Variants in XIRP2 observed in about 807,000 individuals in gnomAD.
The protein encoded by XIRP2 is xin actin binding repeat containing 2.
XIRP2 carries 236 observed loss-of-function variants against 277.0 expected under a neutral mutation model. The ratio of observed to expected loss-of-function variants is 0.85; its 90% CI spans 0.77 to 0.95. The LOEUF is 0.95. XIRP2 is among the 40% of genes least tolerant of loss of function. XIRP2 has a pLI of 0.00. For synonymous variants in XIRP2, 1,490 were observed against 1,416.5 expected (o/e 1.05, Z -1.17); for missense variants, 4,640 against 4,157.5 (o/e 1.12, Z -3.19).
Position 167,247,921 on chromosome 2 carries a change from G to A in XIRP2, c.6529G>A (p.Asp2177Asn), listed in dbSNP as rs113038974. 7.8e-5 allele frequency: 125 copies of A among 1,612,700 alleles called. 1 individual carries two copies. Among genetic ancestry groups the A allele is most frequent in the East Asian group, 4.9e-4 (22 of 44,826 alleles). ...CAGCATGCCAGTTGGAGGAACTTAC[G>A]ACCTTTCAGGGGACTTTCAGAAGCA... Reference protein sequence around the residue: ...PVSMPVGGTYDLSGDFQKQTL... With the variant: ...PVSMPVGGTYNLSGDFQKQTL... Residue 2177 changes from aspartate to asparagine, a missense_variant, in exon 9 of 11, where the codon GAC (aspartate) becomes AAC (asparagine). Transcript: ENST00000409195.
chr2:167,093,756 G>T (rs1277440243), intron 2 of XIRP2, among the ~76,000 whole-genome samples: 1 of 152,084 alleles, frequency 6.6e-6, no homozygotes, highest in East Asian at 1.9e-4. Flanking sequence ...TTGCTATTGT[G>T]AATAGGACCG....
At chr2:167,009,431 A>G (rs1687602008) in intron 2 of XIRP2, among the ~76,000 whole-genome samples, 1 of 151,942 alleles carries the variant, frequency 6.6e-6, no homozygotes, top group Non-Finnish European at 1.5e-5. Context: ...TCCATGGTGT[A>G]TATGTGCCAC....
At chr2:167,028,192 T>G (rs191494357) in intron 2 of XIRP2, among the ~76,000 whole-genome samples, 1 of 152,224 alleles carries the variant, frequency 6.6e-6, no homozygotes, top group Non-Finnish European at 1.5e-5. Context: ...AGGCATTGTA[T>G]TAAGCAGTTT....
At chr2:167,062,297 C>G (rs1574217004) in intron 2 of XIRP2, among the ~76,000 whole-genome samples, 1 of 152,256 alleles carries the variant, frequency 6.6e-6, no homozygotes, top group Middle Eastern at 3.4e-3. Flanking sequence ...TTGCTATACC[C>G]CACTGGACCT....
chr2:167,106,178 T>C (rs192329180), intron 2 of XIRP2, among the ~76,000 whole-genome samples: 3 of 151,828 alleles, frequency 2.0e-5, no homozygotes, highest in Non-Finnish European at 4.4e-5. Context: ...TTAATATTGA[T>C]GGAGTCAAAA....
At chr2:167,120,542 C>A (rs868286297) in intron 2 of XIRP2, among the ~76,000 whole-genome samples, 1 of 152,100 alleles carries the variant, frequency 6.6e-6, no homozygotes, top group Admixed American at 6.6e-5. Flanking sequence ...ATTATCATTA[C>A]CTCCTATCTG....
In XIRP2 at chr2:167,248,749, A is replaced by G. The variant is rs749341463; in HGVS notation, c.7357A>G (p.Met2453Val). Residue 2453 changes from methionine (M) to valine (V), a missense_variant, in exon 9 of 11, where the codon ATG becomes GTG. By Grantham distance (21) the Met-to-Val change is conservative. Coordinates refer to ENST00000409195, the MANE Select transcript of XIRP2 (RefSeq NM_152381.6). ...TGAACTGGCAACCTCCCTGTCAGAT[A>G]TGGAATGTAAAATTACTACCTCAAA... ...KVELATSLSD[M>V]ECKITTSKDQ... 1.9e-6 allele frequency: 3 copies of G among 1,613,774 alleles called. No individual in the cohort carries two copies. The highest frequency in any genetic ancestry group is 1.7e-5 in the Admixed American group (1 of 59,968).
chr2:166,999,270 A>G (rs976244144), intron 2 of XIRP2, among the ~76,000 whole-genome samples: 18 of 152,180 alleles, frequency 1.2e-4, no homozygotes, highest in African/African-American at 4.3e-4. Context: ...AAACTTGAAA[A>G]TATATCTCAA....
intron 3 of XIRP2, among the ~76,000 whole-genome samples, chr2:167,177,912 A>T (rs1329734039): frequency 6.6e-6 from 1 of 152,078 alleles, no homozygotes; most frequent in Non-Finnish European, 1.5e-5. Flanking sequence ...TCTGGAAGCA[A>T]CCTAAACAAC....
intron 2 of XIRP2, among the ~76,000 whole-genome samples, chr2:167,015,374 T>C (rs1012053090): frequency 5.9e-5 from 9 of 151,862 alleles, no homozygotes; most frequent in South Asian, 4.2e-4. Context: ...ATAGTTAATA[T>C]CTACTAAGTA....
rs1326457069 is a variant in XIRP2 at position 167,253,973 on chromosome 2, G to A, written c.10556-59G>A. 29 of 1,509,470 alleles carry A rather than the reference G, an allele frequency of 1.9e-5. 1 individual carries two copies. The East Asian group carries it at 4.4e-4, about 23-fold the overall frequency. 93.5% of individuals were successfully genotyped at this position (1,509,470 alleles called of 1,614,324 possible). ...TTAATATGTGTTTTTGTTTTGTTAT[G>A]TTTTTACAATATGATTGAAGATAAC... On this transcript the variant is annotated intron_variant, in intron 9 of 10. Transcript: ENST00000409195.
intron 2 of XIRP2, among the ~76,000 whole-genome samples, chr2:166,915,151 A>G (rs1358933158): frequency 6.6e-6 from 1 of 151,556 alleles, no homozygotes; most frequent in East Asian, 1.9e-4. Flanking sequence ...CAAAAAAAAA[A>G]TTAGCCAGGT....
intron 1 of XIRP2, among the ~76,000 whole-genome samples, chr2:166,898,958 C>T (rs929885750): frequency 3.3e-5 from 5 of 152,236 alleles, no homozygotes; most frequent in African/African-American, 1.2e-4. Flanking sequence ...TAATCCACCC[C>T]ACAATCTCTG....
In XIRP2 at chr2:167,250,683, A is replaced by T. The variant is rs538384455; in HGVS notation, c.9291A>T (p.Lys3097Asn). The change falls in exon 9 of 11, where the codon AAA (lysine) becomes AAT (asparagine). Residue 3097 changes from lysine to asparagine, a missense_variant. Lys to Asn is a moderately conservative substitution (Grantham distance 94, BLOSUM62 0). Transcript: ENST00000409195. The part of the protein sequence containing the change: ...HHEATVRSHV[K>N]THQEIKLDDS... ...AAGCAACTGTTCGTAGTCACGTGAA[A>T]ACCCATCAGGAAATTAAACTTGATG... 5.8e-5 allele frequency: 94 copies of T among 1,613,638 alleles called. 2 individuals are homozygous for T. The South Asian group carries it at 9.9e-4, about 17-fold the overall frequency.
At chr2:166,959,781 A>G (rs13383718) in intron 2 of XIRP2, among the ~76,000 whole-genome samples, 65,467 of 151,384 alleles carry the variant, frequency 0.43, 15,146 homozygotes, top group African/African-American at 0.59. Context: ...AACGAGTTTC[A>G]GAGGTTAAAC....
chr2:167,216,790 C>A (rs1694258498), intron 4 of XIRP2, among the ~76,000 whole-genome samples: 1 of 103,858 alleles, frequency 9.6e-6, no homozygotes, highest in Non-Finnish European at 1.7e-5. Context: ...TGGGTATATA[C>A]CCAAATGACT....
intron 2 of XIRP2, among the ~76,000 whole-genome samples, chr2:167,015,741 A>C (rs1052347558): frequency 1.1e-4 from 16 of 151,796 alleles, no homozygotes; most frequent in Admixed American, 7.2e-4. Context: ...AAGGTTAAGT[A>C]CCCTGGAGAA....
chr2:166,896,810 G>C (rs912937000), intron 1 of XIRP2, among the ~76,000 whole-genome samples: 5 of 152,044 alleles, frequency 3.3e-5, no homozygotes, highest in Admixed American at 3.3e-4. Flanking sequence ...AGTCCTGCAA[G>C]CTCCATTAAT....
intron 2 of XIRP2, among the ~76,000 whole-genome samples, chr2:167,026,852 T>C (rs944723909): frequency 1.3e-5 from 2 of 152,130 alleles, no homozygotes; most frequent in African/African-American, 4.8e-5. Context: ...TCTTCTGACT[T>C]GTAGAGTTTC....
Sources: gnomAD v4.1 joint callset for allele counts (sites outside exome capture counted in the v4.1 genomes callset) on GRCh38, gnomAD v4.1.1 for gene constraint, MANE v1.5 for transcripts, NCBI Gene and HGNC (gene_info 2026-07-23, HGNC 2026-07-21) for gene names.